ATAD1: variants seen among roughly 807,000 people sequenced by gnomAD.
ATAD1 encodes ATPase family AAA domain containing 1.
A neutral mutation model predicts 42.7 loss-of-function variants in ATAD1; 18 were observed. The observed-to-expected ratio is 0.42, with a 90% CI of 0.29 to 0.63. The LOEUF (loss-of-function observed/expected upper bound fraction) is 0.63, where lower values mean the gene tolerates loss of function less well. Among genes scored for constraint, ATAD1 ranks in the 20% least tolerant of loss-of-function variants. ATAD1 has a pLI of 0.19. For missense variants in ATAD1, 294 were observed against 440.4 expected, an observed-to-expected ratio of 0.67 and a Z score of 2.98; for synonymous variants, 132 against 143.1, an observed-to-expected ratio of 0.92 and a Z score of 0.55.
chr10:87,831,414 C>T (rs749864982), intron 1 of ATAD1, among the ~76,000 whole-genome samples: 5 of 152,190 alleles, frequency 3.3e-5, no homozygotes, highest in East Asian at 1.9e-4. Flanking sequence ...ATTAAGTCTA[C>T]GTAACTAAAT....
At chr10:87,833,757 T>A (rs2132114243) in intron 1 of ATAD1, among the ~76,000 whole-genome samples, 1 of 146,568 alleles carries the variant, frequency 6.8e-6, no homozygotes, top group South Asian at 2.2e-4. Context: ...TGATAGAGTC[T>A]TGCTCTGTAG....
At chr10:87,809,301 AAC>A (rs1207705959) in intron 2 of ATAD1, among the ~76,000 whole-genome samples, 4 of 152,210 alleles carry the variant, frequency 2.6e-5, no homozygotes, top group Admixed American at 6.5e-5. Flanking sequence ...CACTAACAGA[AAC>A]AGTTAATAAC....
At position 87,790,359 on chromosome 10, in the gene ATAD1, G is replaced by C. The variant is rs1344643092; in HGVS notation, c.333C>G (p.Ile111Met). Reference protein sequence around the residue: ...TDLKDTVILPIKKKHLFENSR... With the variant: ...TDLKDTVILPMKKKHLFENSR... Reference sequence around the variant, plus strand: ...AATTCTCAAACAAATGTTTCTTTTTGATAGGTAAGATGACTGTGTCTTTCA... The same window carrying C: ...AATTCTCAAACAAATGTTTCTTTTTCATAGGTAAGATGACTGTGTCTTTCA... Residue 111 changes from isoleucine (I) to methionine (M), a missense_variant, in exon 4 of 10, where the codon ATC becomes ATG. Ile to Met is a conservative substitution (Grantham distance 10). This residue lies in a region of ATAD1 where 121 missense variants were observed against 187.3 expected (regional missense o/e 0.65). Transcript: ENST00000680024. 1.2e-6 allele frequency: 2 copies of C among 1,612,826 alleles called. No individual in the cohort carries two copies. Among genetic ancestry groups the C allele is most frequent in the Admixed American group, 1.7e-5 (1 of 59,706 alleles).
At chr10:87,779,561 T>A (rs979520026) in intron 5 of ATAD1, among the ~76,000 whole-genome samples, 2 of 152,198 alleles carry the variant, frequency 1.3e-5, no homozygotes, top group Non-Finnish European at 2.9e-5. Flanking sequence ...GATTTGCTCA[T>A]TGCATAGGTG....
At position 87,766,875 on chromosome 10, in the gene ATAD1, T is replaced by A. The variant is rs149144612; in HGVS notation, c.831+798A>T. ...AAAAGAGAAGATTTTTCTCCGTGTATTATTAAATATACATACTTTAATTTT... is the reference window on the plus strand; with the variant it reads ...AAAAGAGAAGATTTTTCTCCGTGTAATATTAAATATACATACTTTAATTTT... On this transcript the variant is annotated intron_variant, in intron 8 of 9. Transcript: ENST00000680024. Among the ~76,000 whole-genome samples the A allele has an allele frequency of 2.3e-3, 356 of 151,996 alleles. 1 individual carries two copies. The highest frequency in any genetic ancestry group is 5.0e-3 in the Admixed American group (77 of 15,282).
intron 5 of ATAD1, among the ~76,000 whole-genome samples, chr10:87,779,238 C>T (rs1855457636): frequency 6.6e-6 from 1 of 152,162 alleles, no homozygotes; most frequent in African/African-American, 2.4e-5. Flanking sequence ...ACAGAGGTTG[C>T]AGAGAGCTGA....
At chr10:87,761,522 G>A (rs1327278680) in intron 8 of ATAD1, among the ~76,000 whole-genome samples, 3 of 151,988 alleles carry the variant, frequency 2.0e-5, no homozygotes, top group African/African-American at 7.2e-5. Flanking sequence ...AATTCGCTGG[G>A]TGTGGTGCAT....
chr10:87,829,505 C>G (rs1857791434), intron 1 of ATAD1, among the ~76,000 whole-genome samples: 1 of 152,148 alleles, frequency 6.6e-6, no homozygotes, highest in Non-Finnish European at 1.5e-5. Flanking sequence ...CTGCCGACCT[C>G]AGCCTCCCAA....
intron 8 of ATAD1, among the ~76,000 whole-genome samples, chr10:87,764,571 G>A (rs1854645738): frequency 6.6e-6 from 1 of 152,138 alleles, no homozygotes; most frequent in African/African-American, 2.4e-5. Context: ...TTCCAAATAT[G>A]ATAAAGATTT....
At chr10:87,775,039 C>T (rs1855227462) in intron 6 of ATAD1, among the ~76,000 whole-genome samples, 1 of 151,932 alleles carries the variant, frequency 6.6e-6, no homozygotes, top group Non-Finnish European at 1.5e-5. Flanking sequence ...ACATGGAGAA[C>T]AATAATTGAA....
intron 1 of ATAD1, among the ~76,000 whole-genome samples, chr10:87,816,711 G>A (rs376406464): frequency 6.6e-6 from 1 of 152,142 alleles, no homozygotes; most frequent in Admixed American, 6.5e-5. Flanking sequence ...CTCATAGGAA[G>A]TAAAAAACTG....
chr10:87,796,054 TGTAA>T (rs147048550), intron 2 of ATAD1, among the ~76,000 whole-genome samples: 1,976 of 152,338 alleles, frequency 0.013, 16 homozygotes, highest in Non-Finnish European at 0.021. Context: ...ATTCTGAGTA[TGTAA>T]GTATCTTTAT....
intron 1 of ATAD1, among the ~76,000 whole-genome samples, chr10:87,827,176 TATC>T (rs1368216356): frequency 3.9e-5 from 6 of 152,228 alleles, no homozygotes; most frequent in Non-Finnish European, 7.3e-5. Flanking sequence ...TGTTACTAAA[TATC>T]ATGATACTAT....
At chr10:87,791,626 A>G (rs1446249140) in intron 3 of ATAD1, among the ~76,000 whole-genome samples, 1 of 152,230 alleles carries the variant, frequency 6.6e-6, no homozygotes, top group African/African-American at 2.4e-5. Context: ...GTATACACAG[A>G]TATTAAGACA....
chr10:87,800,023 G>T (rs1335252055), intron 2 of ATAD1, among the ~76,000 whole-genome samples: 2 of 151,466 alleles, frequency 1.3e-5, no homozygotes, highest in Non-Finnish European at 2.9e-5. Context: ...AAAGAGGATG[G>T]TCAGGACAAA....
chr10:87,795,898 T>C (rs1333682042), intron 2 of ATAD1, among the ~76,000 whole-genome samples: 1 of 152,128 alleles, frequency 6.6e-6, no homozygotes, highest in Non-Finnish European at 1.5e-5. Flanking sequence ...AAATCAGAGA[T>C]GAACGAATTA....
intron 6 of ATAD1, among the ~76,000 whole-genome samples, chr10:87,772,475 AAAAC>A (rs1378043769): frequency 6.6e-6 from 1 of 152,198 alleles, no homozygotes. Flanking sequence ...TTCCAAATTT[AAAAC>A]AAACAAATCT....
intron 6 of ATAD1, among the ~76,000 whole-genome samples, chr10:87,773,814 T>A (rs1191355305): frequency 1.3e-5 from 2 of 152,226 alleles, no homozygotes; most frequent in Non-Finnish European, 2.9e-5. Context: ...GGGTACATAA[T>A]ATTAAGATAT....
Position 87,798,287 on chromosome 10 carries a change from T to C in ATAD1, c.163-5532A>G, listed in dbSNP as rs11202559. 2.8e-3 allele frequency among the ~76,000 whole-genome samples: 427 copies of C among 152,296 alleles called. 1 individual carries two copies. The highest frequency in any genetic ancestry group is 9.7e-3 in the African/African-American group (402 of 41,556). ...CTCAGTTCCTCCTTTTAAGAAAAAG[T>C]GGGAAACGTTCTAAGAATGAGGAGA... On this transcript the variant is annotated intron_variant, in intron 2 of 9. Transcript: ENST00000680024.
Sources: allele counts gnomAD v4.1 joint callset (sites outside exome capture counted in the v4.1 genomes callset), GRCh38; gene constraint gnomAD v4.1.1; regional missense constraint gnomAD v4.1.1; transcripts MANE v1.5; gene names NCBI Gene and HGNC (gene_info 2026-07-23, HGNC 2026-07-21).